CDC14B: variants seen among roughly 807,000 people sequenced by gnomAD.
The protein encoded by CDC14B is cell division cycle 14B, also known as dual specificity protein phosphatase CDC14B.
CDC14B carries 22 observed loss-of-function variants against 64.2 expected under a neutral mutation model. That is an observed-to-expected ratio of 0.34 (90% CI 0.24 to 0.49). CDC14B has a LOEUF of 0.49. Ranked by LOEUF, CDC14B falls within the 20% of genes least tolerant of loss-of-function variation. CDC14B has a pLI of 0.99. For synonymous variants in CDC14B, 191 were observed against 215.8 expected, an observed-to-expected ratio of 0.89 and a Z score of 1.01; for missense variants, 498 against 629.9, an observed-to-expected ratio of 0.79 and a Z score of 2.24.
At chr9:96,597,147 A>G (rs1281210117) in intron 1 of CDC14B, among the ~76,000 whole-genome samples, 2 of 152,168 alleles carry the variant, frequency 1.3e-5, no homozygotes, top group Non-Finnish European at 2.9e-5. Flanking sequence ...AATATTACAC[A>G]CAGGGAAGCA....
intron 12 of CDC14B, among the ~76,000 whole-genome samples, chr9:96,512,010 T>C (rs1310725188): frequency 2.6e-5 from 4 of 151,972 alleles, no homozygotes; most frequent in South Asian, 2.1e-4. Flanking sequence ...CAAGACACCA[T>C]TAAGAAGCCC....
rs775786229 is a variant in CDC14B at position 96,563,853 on chromosome 9, G to A, written c.327+924C>T. 3.0e-4 allele frequency among the ~76,000 whole-genome samples: 46 copies of A among 151,926 alleles called. 1 individual carries two copies. The highest frequency in any genetic ancestry group is 6.3e-4 in the Non-Finnish European group (43 of 67,992). On this transcript the variant is annotated intron_variant, in intron 3 of 13. Coordinates refer to ENST00000375241, the MANE Select transcript of CDC14B (RefSeq NM_033331.4). ...GCATGAAACAAAAGATCTGCCACTG[G>A]CAACTGGAAAAAGGAGGGGGAACTC... is the stretch of plus-strand genomic sequence containing the variant.
chr9:96,536,842 A>C (rs140298561), intron 7 of CDC14B, among the ~76,000 whole-genome samples: 3 of 152,352 alleles, frequency 2.0e-5, no homozygotes, highest in Non-Finnish European at 1.5e-5. Context: ...AAAGGGCTTT[A>C]GCACAGTATC....
In CDC14B at chr9:96,494,792, G is replaced by A. The variant is rs1325267240; in HGVS notation, c.*80+1415C>T. 3.4e-4 allele frequency among the ~76,000 whole-genome samples: 25 copies of A among 73,982 alleles called. 1 individual carries two copies. The highest frequency in any genetic ancestry group is 1.1e-3 in the African/African-American group (20 of 17,620). 48.5% of individuals were successfully genotyped at this position (73,982 alleles called of 152,430 possible). ...CCCCTCCCCCCTCCCGTCCCCTCCCGTCCTGTCCAGTCTCGTCCCGTCCCA... is the reference window on the plus strand; with the variant it reads ...CCCCTCCCCCCTCCCGTCCCCTCCCATCCTGTCCAGTCTCGTCCCGTCCCA... On this transcript the variant is annotated intron_variant and NMD_transcript_variant, in intron 13 of 13. Transcript: ENST00000474602.
chr9:96,538,670 A>G (rs1839617538), intron 7 of CDC14B: 2 of 156,330 alleles, frequency 1.3e-5, no homozygotes, highest in African/African-American at 4.8e-5. Context: ...GGCTGCAGTG[A>G]GCCATGTATA....
chr9:96,529,646 C>T (rs1282129624), intron 9 of CDC14B, among the ~76,000 whole-genome samples: 1 of 151,986 alleles, frequency 6.6e-6, no homozygotes, highest in African/African-American at 2.4e-5. Context: ...TAAACACCAC[C>T]ACACCCAGTT....
intron 5 of CDC14B, among the ~76,000 whole-genome samples, chr9:96,549,558 G>A (rs1023860763): frequency 6.6e-6 from 1 of 151,982 alleles, no homozygotes; most frequent in Non-Finnish European, 1.5e-5. Context: ...CTAGCTACTC[G>A]GGAGGCTGAG....
At chr9:96,553,363 T>TTC (rs1396947325) in intron 4 of CDC14B, among the ~76,000 whole-genome samples, 31 of 150,144 alleles carry the variant, frequency 2.1e-4, no homozygotes, top group African/African-American at 7.3e-4. Context: ...TTCTTTTCTT[T>TTC]TTTTTTTTTT....
intron 13 of CDC14B, 55 bp downstream of exon 13, chr9:96,509,618 T>G (rs1166539771): frequency 9.3e-7 from 1 of 1,078,038 alleles, no homozygotes; most frequent in African/African-American, 1.5e-5. Flanking sequence ...GTCCAAATAT[T>G]AAACTGGAAA....
At chr9:96,554,578 G>A (rs1587944919) in intron 4 of CDC14B, among the ~76,000 whole-genome samples, 1 of 152,058 alleles carries the variant, frequency 6.6e-6, no homozygotes, top group East Asian at 1.9e-4. Context: ...CTAAATTCCT[G>A]ACGATGAACT....
intron 1 of CDC14B, among the ~76,000 whole-genome samples, chr9:96,596,364 C>CAAAAAAAAAAAAA (rs113025946): frequency 1.3e-5 from 1 of 74,074 alleles, no homozygotes; most frequent in African/African-American, 4.1e-5. Context: ...GACTCCATCT[C>CAAAAAAAAAAAAA]AAAAAAAAAA....
chr9:96,515,900 G>C lies in CDC14B; in HGVS notation c.1344-6111C>G, dbSNP rs922235634. On this transcript the variant is annotated intron_variant, in intron 12 of 13. Transcript: ENST00000375241. This position sits in a 1 kb window ranked among gnomAD's most constrained non-coding sequence, Gnocchi z 4.3. ...TATGTGAATTTTAGACACCCTAAAA[G>C]CCCAGCCAACAGCAACAGGGATACA... 9.7e-7 allele frequency: 1 copy of C among 1,032,134 alleles called. No individual in the cohort carries two copies. The highest frequency in any genetic ancestry group is 2.8e-5 in the East Asian group (1 of 35,510). 63.9% of individuals were successfully genotyped at this position (1,032,134 alleles called of 1,614,324 possible).
chr9:96,523,438 C>G lies in CDC14B; in HGVS notation c.1086-18G>C, dbSNP rs545583882. ...TTTGCTTCCTAGAGCATTTAAATAACATCAAAATAGAGCTTTCCAGAAAGA... is the reference window on the plus strand; with the variant it reads ...TTTGCTTCCTAGAGCATTTAAATAAGATCAAAATAGAGCTTTCCAGAAAGA... On this transcript the variant is annotated intron_variant, in intron 10 of 13. Transcript: ENST00000375241. 15 of 1,611,118 alleles carry G rather than the reference C, an allele frequency of 9.3e-6. 1 individual carries two copies. The South Asian group carries it at 1.4e-4, about 15-fold the overall frequency.
intron 1 of CDC14B, among the ~76,000 whole-genome samples, chr9:96,569,631 CT>C (rs1316348110): frequency 6.6e-6 from 1 of 151,682 alleles, no homozygotes; most frequent in Non-Finnish European, 1.5e-5. Context: ...CAGGGCTCTT[CT>C]TTTTTTCTTT....
At chr9:96,570,236 C>T (rs955859639) in intron 1 of CDC14B, among the ~76,000 whole-genome samples, 5 of 152,172 alleles carry the variant, frequency 3.3e-5, no homozygotes, top group African/African-American at 9.7e-5. Context: ...AAACATTTTC[C>T]TGGATAACAG....
chr9:96,526,053 G>T (rs1271447637), intron 9 of CDC14B, among the ~76,000 whole-genome samples: 1 of 152,016 alleles, frequency 6.6e-6, no homozygotes, highest in Non-Finnish European at 1.5e-5. Context: ...TAATCCAATA[G>T]GACTGTTGTA....
chr9:96,530,315 CAG>C (rs1383179660), intron 9 of CDC14B, among the ~76,000 whole-genome samples: 1 of 148,278 alleles, frequency 6.7e-6, no homozygotes, highest in East Asian at 2.0e-4. Flanking sequence ...TTTTTGGAGA[CAG>C]AGTCTTGCTC....
At chr9:96,498,744 T>C (rs996444438), downstream of CDC14B, among the ~76,000 whole-genome samples, 3 of 152,238 alleles carry the variant, frequency 2.0e-5, no homozygotes, top group Non-Finnish European at 2.9e-5. Context: ...TTAAGCACTT[T>C]CCACGTGTTA....
chr9:96,565,628 A>G (rs933466079), intron 1 of CDC14B, 145 bp from the exon 2 acceptor site: 1 of 683,590 alleles, frequency 1.5e-6, no homozygotes, highest in Admixed American at 2.7e-5. Context: ...GGTAATTACA[A>G]AATATTCTGG....
Sources: gnomAD v4.1 joint callset for allele counts (sites outside exome capture counted in the v4.1 genomes callset) on GRCh38, gnomAD v4.1.1 for gene constraint, Gnocchi (gnomAD v3.1) non-coding constraint, MANE v1.5 for transcripts, NCBI Gene and HGNC (gene_info 2026-07-23, HGNC 2026-07-21) for gene names.